The following NRXN3 variants were observed in gnomAD, a reference collection of about 807,000 sequenced individuals.
The protein encoded by NRXN3 is neurexin III.
Under a neutral mutation model 137.6 loss-of-function variants are expected in NRXN3, and 32 were observed. That is an observed-to-expected ratio of 0.23 (90% CI 0.18 to 0.31). NRXN3 has a LOEUF of 0.31. NRXN3 is among the 10% of genes least tolerant of loss of function. The pLI, the probability that NRXN3 is intolerant of heterozygous loss-of-function variation, is 1.00. For missense variants in NRXN3, 1,574 were observed against 2,062.5 expected (o/e 0.76, Z 4.59); for synonymous variants, 798 against 784.5 (o/e 1.02, Z -0.29).
At chr14:79,007,244 G>A (rs1441531937) in intron 15 of NRXN3, among the ~76,000 whole-genome samples, 2 of 152,012 alleles carry the variant, frequency 1.3e-5, no homozygotes, top group African/African-American at 2.4e-5. Flanking sequence ...TCTACAATAC[G>A]TACACCTGCT....
chr14:79,666,316 G>A (rs960315871), intron 17 of NRXN3, among the ~76,000 whole-genome samples: 1 of 152,076 alleles, frequency 6.6e-6, no homozygotes, highest in African/African-American at 2.4e-5. Context: ...CCTGGTTAAT[G>A]TGAAGATTAA....
chr14:79,251,510 T>C (rs891660181), intron 15 of NRXN3, among the ~76,000 whole-genome samples: 1 of 151,994 alleles, frequency 6.6e-6, no homozygotes, highest in African/African-American at 2.4e-5. Flanking sequence ...TGAAAAGTAA[T>C]AAGGAAAATG....
At chr14:78,173,708 G>GATTTTTTTTTTTTTTT (rs1296589683) in intron 1 of NRXN3, among the ~76,000 whole-genome samples, 1 of 8,990 alleles carries the variant, frequency 1.1e-4, no homozygotes, top group Non-Finnish European at 2.4e-4. Flanking sequence ...CTTTTTCCTT[G>GATTTTTTTTTTTTTTT]CTTTTTTTTT....
In NRXN3 at chr14:78,222,518, A is replaced by T. The variant is rs551783609; in HGVS notation, c.-703-19873A>T. 2.6e-5 allele frequency among the ~76,000 whole-genome samples: 4 copies of T among 152,180 alleles called. No homozygotes were observed. In the East Asian group the frequency reaches 7.7e-4, roughly 29 times the overall value. ...AGGGCAGATGCTTCCCGGGGAGGAG[A>T]TAGTTTTAGGGGGAGGTGGTCACAG... On this transcript the variant is annotated intron_variant, in intron 1 of 20. Transcript: ENST00000335750.
chr14:79,553,151 A>G (rs1331184205), intron 16 of NRXN3, among the ~76,000 whole-genome samples: 2 of 152,076 alleles, frequency 1.3e-5, no homozygotes, highest in Admixed American at 6.6e-5. Context: ...ATGCCAAAGT[A>G]CCATATTTTG....
intron 1 of NRXN3, among the ~76,000 whole-genome samples, chr14:78,194,315 G>A (rs1468209054): frequency 6.8e-6 from 1 of 147,696 alleles, no homozygotes; most frequent in Non-Finnish European, 1.5e-5. Context: ...CTGCCCAGGA[G>A]AGTTGGGAGA....
chr14:78,784,254 T>A (rs1457430922), intron 8 of NRXN3, among the ~76,000 whole-genome samples: 1 of 152,036 alleles, frequency 6.6e-6, no homozygotes, highest in Non-Finnish European at 1.5e-5. Context: ...CCGTGCAAAA[T>A]GAACAAGGAG....
At chr14:78,210,844 C>T (rs1595937141) in intron 1 of NRXN3, among the ~76,000 whole-genome samples, 1 of 151,166 alleles carries the variant, frequency 6.6e-6, no homozygotes, top group South Asian at 2.1e-4. Flanking sequence ...ATTTTATTGT[C>T]GAGCAAATCG....
chr14:79,300,259 G>A (rs1330288495), intron 15 of NRXN3, among the ~76,000 whole-genome samples: 1 of 152,092 alleles, frequency 6.6e-6, no homozygotes, highest in African/African-American at 2.4e-5. Context: ...ATTGCACAGT[G>A]TGCTTTCTAC....
chr14:78,526,806 A>G (rs749461477), intron 4 of NRXN3: 7 of 514,538 alleles, frequency 1.4e-5, no homozygotes, highest in African/African-American at 1.2e-4. Context: ...AGCGATGAAT[A>G]AAGTCTGTGG....
rs549532284 is a variant in NRXN3 at position 78,644,361 on chromosome 14, G to C, written c.758-759G>C. ...TTCTGTGGGGAAGGATAGTTCTGTGGGGAAGAAGAGAATGCCGTCCTGGCC... is the reference window on the plus strand; with the variant it reads ...TTCTGTGGGGAAGGATAGTTCTGTGCGGAAGAAGAGAATGCCGTCCTGGCC... On this transcript the variant is annotated intron_variant, in intron 4 of 20. Transcript: ENST00000335750. 2.0e-5 allele frequency among the ~76,000 whole-genome samples: 3 copies of C among 152,200 alleles called. No homozygotes were observed. In the South Asian group the frequency reaches 6.2e-4, roughly 32 times the overall value.
intron 16 of NRXN3, among the ~76,000 whole-genome samples, chr14:79,631,205 T>A (rs914683421): frequency 1.3e-5 from 2 of 152,256 alleles, no homozygotes; most frequent in African/African-American, 4.8e-5. Context: ...CAGATCATAC[T>A]TTAATTGGTA....
Position 79,561,706 on chromosome 14 carries a change from G to T in NRXN3, c.3444+94304G>T, listed in dbSNP as rs1348757867. ...CGTTTCCTCATGCTTTCATCAAAAGGTAGCAGTTGGCAGGGCCATTCACTG... is the reference window on the plus strand; with the variant it reads ...CGTTTCCTCATGCTTTCATCAAAAGTTAGCAGTTGGCAGGGCCATTCACTG... On this transcript the variant is annotated intron_variant, in intron 16 of 20. Coordinates refer to ENST00000335750, the MANE Select transcript of NRXN3 (RefSeq NM_001330195.2). 2.0e-5 allele frequency among the ~76,000 whole-genome samples: 3 copies of T among 151,986 alleles called. No individual in the cohort carries two copies. The East Asian group carries it at 5.8e-4, about 29-fold the overall frequency.
At chr14:79,062,658 A>G (rs988803316) in intron 15 of NRXN3, among the ~76,000 whole-genome samples, 4 of 152,170 alleles carry the variant, frequency 2.6e-5, no homozygotes, top group Non-Finnish European at 4.4e-5. Context: ...ACAATGGTTT[A>G]TAGCTTTTCT....
intron 15 of NRXN3, among the ~76,000 whole-genome samples, chr14:79,302,483 C>G (rs575029444): frequency 1.2e-4 from 19 of 152,010 alleles, no homozygotes; most frequent in Admixed American, 7.2e-4. Context: ...AGTTGTCAGG[C>G]TCTTTTTAAC....
intron 4 of NRXN3, among the ~76,000 whole-genome samples, chr14:78,619,513 C>G (rs1165958604): frequency 6.6e-6 from 1 of 151,968 alleles, no homozygotes; most frequent in Non-Finnish European, 1.5e-5. Flanking sequence ...ATTGAGATTC[C>G]CATAATCCCC....
chr14:79,650,699 G>A (rs2098471718), intron 16 of NRXN3, among the ~76,000 whole-genome samples: 1 of 152,148 alleles, frequency 6.6e-6, no homozygotes, highest in African/African-American at 2.4e-5. Context: ...ACAGAGGATA[G>A]GATCAATACA....
intron 4 of NRXN3, among the ~76,000 whole-genome samples, chr14:78,326,643 G>C (rs570249347): frequency 2.6e-5 from 4 of 152,162 alleles, no homozygotes; most frequent in African/African-American, 9.7e-5. Context: ...GGACATCCAG[G>C]AGCAGAAGTA....
At chr14:79,096,160 T>G (rs1162418504) in intron 15 of NRXN3, among the ~76,000 whole-genome samples, 1 of 151,548 alleles carries the variant, frequency 6.6e-6, no homozygotes, top group African/African-American at 2.4e-5. Flanking sequence ...CAGGCTGGAG[T>G]GCAGTGGCAC....
Sources: gnomAD v4.1 joint callset for allele counts (sites outside exome capture counted in the v4.1 genomes callset) on GRCh38, gnomAD v4.1.1 for gene constraint, MANE v1.5 for transcripts, NCBI Gene and HGNC (gene_info 2026-07-23, HGNC 2026-07-21) for gene names.